The following RGS9 variants were observed in gnomAD, a reference collection of about 807,000 sequenced individuals.
RGS9 encodes the protein regulator of G-protein signalling 9.
RGS9 carries 78 observed loss-of-function variants against 102.0 expected under a neutral mutation model. The ratio of observed to expected loss-of-function variants is 0.76; its 90% CI spans 0.64 to 0.92. The LOEUF (loss-of-function observed/expected upper bound fraction) is 0.92. Ranked by LOEUF, RGS9 falls within the 40% of genes least tolerant of loss-of-function variation. The pLI is 0.00. For synonymous variants in RGS9, 353 were observed against 318.6 expected (o/e 1.11, Z -1.15); for missense variants, 833 against 866.1 (o/e 0.96, Z 0.48).
At chr17:65,188,221 T>A (rs1221339951) in intron 9 of RGS9, among the ~76,000 whole-genome samples, 1 of 152,196 alleles carries the variant, frequency 6.6e-6, no homozygotes, top group East Asian at 1.9e-4. Context: ...TAGATCTGAA[T>A]GGTTTCCAGG....
At chr17:65,138,219 G>C (rs913332474) in intron 1 of RGS9, among the ~76,000 whole-genome samples, 1 of 152,244 alleles carries the variant, frequency 6.6e-6, no homozygotes, top group Non-Finnish European at 1.5e-5. Flanking sequence ...GAATGCACCT[G>C]TGGGGTGATG....
At chr17:65,217,555 G>A (rs956805464) in intron 17 of RGS9, among the ~76,000 whole-genome samples, 2 of 152,202 alleles carry the variant, frequency 1.3e-5, no homozygotes, top group South Asian at 2.1e-4. Context: ...AGGAGAAGAT[G>A]TTGGAAGTAA....
intron 1 of RGS9, among the ~76,000 whole-genome samples, chr17:65,140,868 CAG>C (rs1294684618): frequency 7.2e-6 from 1 of 137,956 alleles, no homozygotes; most frequent in Non-Finnish European, 1.6e-5. Flanking sequence ...GCCTGTGTGA[CAG>C]AGAGAGACTC....
intron 2 of RGS9, among the ~76,000 whole-genome samples, chr17:65,156,389 C>T (rs1263097293): frequency 6.6e-6 from 1 of 152,276 alleles, no homozygotes; most frequent in Non-Finnish European, 1.5e-5. Flanking sequence ...ACACGGGGCA[C>T]ACTTGGTTCC....
chr17:65,173,368 G>T lies in RGS9; in HGVS notation c.583-4364G>T, dbSNP rs940088940. Among the ~76,000 whole-genome samples the T allele has an allele frequency of 2.0e-5, 3 of 151,322 alleles. No individual in the cohort carries two copies. Among genetic ancestry groups the T allele is most frequent in the Non-Finnish European group, 4.4e-5 (3 of 67,808 alleles). On this transcript the variant is annotated intron_variant, in intron 8 of 18. Transcript: ENST00000262406. The surrounding 1 kb of genome is among the most constrained non-coding windows in gnomAD (Gnocchi z 4.8). ...GAGAGAAGGAGGGGCAGGGGGACAC[G>T]GTGGAGTACCACCGAGAAGTGTCCG...
chr17:65,227,246 C>T (rs1271699985), intron 18 of RGS9, 29 bp from the exon 19 acceptor site: 1 of 1,614,108 alleles, frequency 6.2e-7, no homozygotes. Flanking sequence ...CCTGCCCCTA[C>T]ATTACTGGCT....
At position 65,160,349 on chromosome 17, in the gene RGS9, G is replaced by A. The variant is rs16960740; in HGVS notation, c.312+10G>A. 0.033 allele frequency: 53,536 copies of A among 1,606,220 alleles called. 2,216 individuals are homozygous for A. Among genetic ancestry groups the A allele is most frequent in the African/African-American group, 0.2 (15,200 of 74,774 alleles). On this transcript the variant is annotated intron_variant, in intron 4 of 18. Transcript: ENST00000262406. The stretch of plus-strand genomic sequence containing the variant: ...CCTCTACAGATTTCAGGTGAGTCTT[G>A]GCCTTGACCCTGGCTGTTCATATGG...
chr17:65,168,465 G>A (rs953123078), intron 8 of RGS9, among the ~76,000 whole-genome samples, 184 bp downstream of exon 8: 3 of 152,046 alleles, frequency 2.0e-5, no homozygotes, highest in Middle Eastern at 3.4e-3. Flanking sequence ...TCTCTGCCTG[G>A]ATGGGGTCTG....
Position 65,210,220 on chromosome 17 carries a change from T to C in RGS9, c.1290-268T>C, listed in dbSNP as rs1015648913. Among the ~76,000 whole-genome samples, 26 of 152,358 alleles carry C rather than the reference T, an allele frequency of 1.7e-4. 1 individual carries two copies. Among genetic ancestry groups the C allele is most frequent in the Non-Finnish European group, 2.4e-4 (16 of 68,040 alleles). On this transcript the variant is annotated intron_variant, in intron 16 of 18. Coordinates refer to ENST00000262406, the MANE Select transcript of RGS9 (RefSeq NM_003835.4). The stretch of plus-strand genomic sequence containing the variant: ...AGATAACAAATTGATTTCTACATAC[T>C]GTAGAAGTTCAATGCAACTTCGCCA...
chr17:65,159,798 C>T (rs1230416608), intron 3 of RGS9, among the ~76,000 whole-genome samples: 1 of 152,124 alleles, frequency 6.6e-6, no homozygotes, highest in Non-Finnish European at 1.5e-5. Context: ...TAGAAGTTGG[C>T]AATAAACATG....
intron 7 of RGS9, 121 bp from the exon 8 acceptor site, chr17:65,168,079 C>T (rs1023842944): frequency 5.8e-6 from 4 of 688,074 alleles, no homozygotes; most frequent in Admixed American, 4.1e-5. Context: ...ATTACTATTA[C>T]GGTATATGTG....
intron 1 of RGS9, among the ~76,000 whole-genome samples, chr17:65,152,820 G>A (rs548330310): frequency 9.2e-5 from 14 of 152,368 alleles, no homozygotes; most frequent in Admixed American, 4.6e-4. Flanking sequence ...GTGAGCCACT[G>A]TGCCTGGTCA....
chr17:65,157,142 G>A (rs200223238), intron 2 of RGS9, among the ~76,000 whole-genome samples: 1 of 81,224 alleles, frequency 1.2e-5, no homozygotes, highest in Non-Finnish European at 2.1e-5. Context: ...ACAGGGAGTG[G>A]AGTCTCAATC....
chr17:65,223,481 T>TG (rs1905452471), intron 17 of RGS9, among the ~76,000 whole-genome samples: 1 of 152,230 alleles, frequency 6.6e-6, no homozygotes, highest in African/African-American at 2.4e-5. Flanking sequence ...GAGCTGTTCT[T>TG]GGGTGCGCCT....
intron 1 of RGS9, among the ~76,000 whole-genome samples, chr17:65,144,358 G>A (rs1175026157): frequency 6.6e-6 from 1 of 152,178 alleles, no homozygotes. Flanking sequence ...GGGCGTGGTG[G>A]GTGGGATGTC....
intron 13 of RGS9, among the ~76,000 whole-genome samples, chr17:65,201,142 C>T (rs1156431999): frequency 6.6e-6 from 1 of 152,172 alleles, no homozygotes; most frequent in East Asian, 1.9e-4. Flanking sequence ...CTTGCTCTCT[C>T]TTGTGATCGT....
chr17:65,170,497 C>T (rs1426106705), intron 8 of RGS9, among the ~76,000 whole-genome samples: 1 of 152,176 alleles, frequency 6.6e-6, no homozygotes, highest in Non-Finnish European at 1.5e-5. Flanking sequence ...AGGGTCTGAA[C>T]CCACATACCA....
At chr17:65,223,159 T>C (rs1201835053) in intron 17 of RGS9, among the ~76,000 whole-genome samples, 4 of 152,244 alleles carry the variant, frequency 2.6e-5, no homozygotes, top group African/African-American at 9.6e-5. Context: ...ATAATAGTTA[T>C]TGCAAATGCA....
intron 13 of RGS9, among the ~76,000 whole-genome samples, chr17:65,200,545 G>T (rs9910756): frequency 1.5e-3 from 224 of 152,030 alleles, no homozygotes; most frequent in Middle Eastern, 3.4e-3. Context: ...CATTTTAGTT[G>T]AGAGCATCAC....
Sources: allele counts gnomAD v4.1 joint callset (sites outside exome capture counted in the v4.1 genomes callset), GRCh38; gene constraint gnomAD v4.1.1; non-coding constraint Gnocchi (gnomAD v3.1); transcripts MANE v1.5; gene names NCBI Gene and HGNC (gene_info 2026-07-23, HGNC 2026-07-21).